The following RGL1 variants were observed in gnomAD, a reference collection of about 807,000 sequenced individuals.
RGL1 encodes the protein ral guanine nucleotide dissociation stimulator like 1.
A neutral mutation model predicts 95.2 loss-of-function variants in RGL1; 24 were observed. The ratio of observed to expected loss-of-function variants is 0.25; its 90% CI spans 0.18 to 0.35. RGL1 has a LOEUF of 0.35. Among genes scored for constraint, RGL1 ranks in the 10% least tolerant of loss-of-function variants. The pLI is 1.00. For missense variants in RGL1, 715 were observed against 936.3 expected, an observed-to-expected ratio of 0.76 and a Z score of 3.08; for synonymous variants, 329 against 344.9, an observed-to-expected ratio of 0.95 and a Z score of 0.51.
rs540955999 is a variant in RGL1 at position 183,908,166 on chromosome 1, G to T, written c.1562+1065G>T. On this transcript the variant is annotated intron_variant, in intron 14 of 17. Transcript: ENST00000360851. ...CAGTTAATATCTTTTTGAGGATTTGGGGGGATCAGGATTCTGACTGTCTTT... is the reference window on the plus strand; with the variant it reads ...CAGTTAATATCTTTTTGAGGATTTGTGGGGATCAGGATTCTGACTGTCTTT... Among the ~76,000 whole-genome samples, 4 of 152,100 alleles carry T rather than the reference G, an allele frequency of 2.6e-5. No individual in the cohort carries two copies. In the East Asian group the frequency reaches 7.7e-4, roughly 29 times the overall value.
chr1:183,658,727 T>C (rs1361797972), intron 1 of RGL1, among the ~76,000 whole-genome samples: 1 of 152,110 alleles, frequency 6.6e-6, no homozygotes, highest in Non-Finnish European at 1.5e-5. Context: ...AGCACACAGC[T>C]GGAGATCTGA....
At chr1:183,732,739 G>C (rs1017285990) in intron 1 of RGL1, among the ~76,000 whole-genome samples, 2 of 152,108 alleles carry the variant, frequency 1.3e-5, no homozygotes, top group African/African-American at 4.8e-5. Context: ...AGAAAGCCAG[G>C]CTTGGTTTTG....
At chr1:183,848,368 T>G (rs547850967) in intron 3 of RGL1, among the ~76,000 whole-genome samples, 1 of 152,378 alleles carries the variant, frequency 6.6e-6, no homozygotes, top group African/African-American at 2.4e-5. Context: ...GATTTTCCTC[T>G]TTATTTCTGT....
intron 16 of RGL1, among the ~76,000 whole-genome samples, chr1:183,921,607 C>T (rs1328643082): frequency 4.6e-5 from 7 of 152,264 alleles, no homozygotes; most frequent in East Asian, 3.9e-4. Context: ...GAATATACTA[C>T]GATTTATTCT....
At chr1:183,889,939 G>A (rs1667323047) in intron 8 of RGL1, among the ~76,000 whole-genome samples, 1 of 152,066 alleles carries the variant, frequency 6.6e-6, no homozygotes, top group Non-Finnish European at 1.5e-5. Flanking sequence ...GTGATTGTGT[G>A]TATTAAAGAG....
chr1:183,916,230 T>C (rs1668957989), intron 15 of RGL1, among the ~76,000 whole-genome samples: 1 of 152,172 alleles, frequency 6.6e-6, no homozygotes, highest in African/African-American at 2.4e-5. Context: ...CACGTGCTTA[T>C]AGAGTGATTA....
intron 2 of RGL1, among the ~76,000 whole-genome samples, chr1:183,842,247 C>T (rs1664104450): frequency 6.6e-6 from 1 of 152,042 alleles, no homozygotes; most frequent in African/African-American, 2.4e-5. Flanking sequence ...GGACTCCATA[C>T]TGTCTCCATC....
chr1:183,842,266 G>A (rs4262497), intron 2 of RGL1, among the ~76,000 whole-genome samples: 82,662 of 151,726 alleles, frequency 0.54, 22,552 homozygotes, highest in African/African-American at 0.57. Flanking sequence ...TCCTAATGAG[G>A]TTGTTTGCTT....
chr1:183,849,757 G>A (rs10911449), intron 3 of RGL1, among the ~76,000 whole-genome samples: 55,606 of 151,866 alleles, frequency 0.37, 11,246 homozygotes, highest in Non-Finnish European at 0.46. Flanking sequence ...CAAAGTGCTG[G>A]GATTAGACTT....
chr1:183,877,756 G>C (rs570462750), intron 4 of RGL1, among the ~76,000 whole-genome samples: 2 of 152,270 alleles, frequency 1.3e-5, no homozygotes, highest in South Asian at 4.1e-4. Flanking sequence ...GCTACAGGAA[G>C]GTCACTGTCA....
chr1:183,659,098 AG>A (rs1241373714), intron 1 of RGL1, among the ~76,000 whole-genome samples: 1 of 152,146 alleles, frequency 6.6e-6, no homozygotes, highest in African/African-American at 2.4e-5. Context: ...AAAACCACAA[AG>A]ATGGGGAAAA....
chr1:183,646,806 G>A (rs1453690254), intron 1 of RGL1: 2 of 152,330 alleles, frequency 1.3e-5, no homozygotes, highest in African/African-American at 2.4e-5. Flanking sequence ...CATTGGTGAA[G>A]TTATTGAGAT....
At chr1:183,883,669 T>TAG in intron 5 of RGL1, 117 bp from the exon 6 acceptor site, 1 of 1,086,866 alleles carries the variant, frequency 9.2e-7, no homozygotes, top group Non-Finnish European at 1.4e-6. Flanking sequence ...TGTCTCCCTG[T>TAG]GGCTGTTCTG....
intron 2 of RGL1, among the ~76,000 whole-genome samples, chr1:183,752,433 G>C (rs1392348779): frequency 6.6e-6 from 1 of 152,002 alleles, no homozygotes; most frequent in East Asian, 1.9e-4. Flanking sequence ...CACCATGTTG[G>C]CCAGGATGGT....
intron 2 of RGL1, among the ~76,000 whole-genome samples, chr1:183,791,987 G>A (rs1049949097): frequency 2.6e-5 from 4 of 151,998 alleles, no homozygotes; most frequent in Admixed American, 6.6e-5. Context: ...CTTAGAAGTC[G>A]CTTTCTTCAT....
intron 7 of RGL1, among the ~76,000 whole-genome samples, chr1:183,885,885 G>A (rs1478350550): frequency 6.6e-6 from 1 of 151,998 alleles, no homozygotes; most frequent in African/African-American, 2.4e-5. Context: ...TTTCATGGAT[G>A]AATTGACATT....
At chr1:183,721,461 A>G (rs1264801197) in intron 1 of RGL1, among the ~76,000 whole-genome samples, 1 of 152,212 alleles carries the variant, frequency 6.6e-6, no homozygotes, top group Non-Finnish European at 1.5e-5. Context: ...CTTCAAGCAC[A>G]CGTCCTTATT....
intron 16 of RGL1, among the ~76,000 whole-genome samples, chr1:183,919,091 A>G (rs1669163563): frequency 6.6e-6 from 1 of 152,234 alleles, no homozygotes; most frequent in Non-Finnish European, 1.5e-5. Context: ...ACCACATTAG[A>G]TATTTAAACT....
At chr1:183,680,690 G>A (rs1653152612) in intron 1 of RGL1, among the ~76,000 whole-genome samples, 1 of 152,164 alleles carries the variant, frequency 6.6e-6, no homozygotes, top group African/African-American at 2.4e-5. Flanking sequence ...GGCATTTAAA[G>A]TAGTTTTTTT....
Sources: allele counts gnomAD v4.1 joint callset (sites outside exome capture counted in the v4.1 genomes callset), GRCh38; gene constraint gnomAD v4.1.1; transcripts MANE v1.5; gene names NCBI Gene and HGNC (gene_info 2026-07-23, HGNC 2026-07-21).